The following SLIT3 variants were observed in gnomAD, a reference collection of about 807,000 sequenced individuals.
SLIT3 encodes the protein slit homolog 3 protein.
A neutral mutation model predicts 184.0 loss-of-function variants in SLIT3; 68 were observed. That is an observed-to-expected ratio of 0.37 (90% CI 0.30 to 0.45). The LOEUF (loss-of-function observed/expected upper bound fraction) is 0.45, where lower values mean the gene tolerates loss of function less well. Ranked by LOEUF, SLIT3 falls within the 20% of genes least tolerant of loss-of-function variation. The pLI is 1.00. For missense variants in SLIT3, 1,707 were observed against 2,026.0 expected (o/e 0.84, Z 3.02); for synonymous variants, 831 against 828.6 (o/e 1.00, Z -0.05).
chr5:168,663,174 C>T lies in SLIT3; in HGVS notation c.*3280G>A, dbSNP rs1219073330. On this transcript the variant is annotated 3_prime_UTR_variant, in exon 36 of 36. Coordinates refer to ENST00000519560, the MANE Select transcript of SLIT3 (RefSeq NM_003062.4). Reference sequence around the variant, plus strand: ...TGACTCCTCCCAGGAAGCCAGTGACCCTCGGTGGGGCTCTTGAGATGGCAG... The same window carrying T: ...TGACTCCTCCCAGGAAGCCAGTGACTCTCGGTGGGGCTCTTGAGATGGCAG... 1 of 152,002 alleles carries T rather than the reference C, an allele frequency of 6.6e-6. No homozygotes were observed. Among genetic ancestry groups the T allele is most frequent in the African/African-American group, 2.4e-5 (1 of 41,352 alleles). 9.4% of individuals were successfully genotyped at this position (152,002 alleles called of 1,614,324 possible).
chr5:168,956,623 A>G (rs1762836364), intron 4 of SLIT3, among the ~76,000 whole-genome samples: 1 of 151,728 alleles, frequency 6.6e-6, no homozygotes, highest in Non-Finnish European at 1.5e-5. Context: ...GTGAAACCCC[A>G]TCTCTACTAA....
intron 21 of SLIT3, among the ~76,000 whole-genome samples, chr5:168,723,433 A>G (rs1423851222): frequency 6.6e-6 from 1 of 152,054 alleles, no homozygotes; most frequent in Non-Finnish European, 1.5e-5. Flanking sequence ...TCAATCATTC[A>G]AGCAACTGTC....
intron 8 of SLIT3, among the ~76,000 whole-genome samples, chr5:168,814,241 C>CA (rs1757256608): frequency 6.6e-6 from 1 of 152,034 alleles, no homozygotes; most frequent in Non-Finnish European, 1.5e-5. Flanking sequence ...ACTAAAAATA[C>CA]AAAAAATTAG....
chr5:169,261,495 C>G (rs1422639143), intron 1 of SLIT3, among the ~76,000 whole-genome samples: 1 of 151,960 alleles, frequency 6.6e-6, no homozygotes, highest in Non-Finnish European at 1.5e-5. Context: ...CCCTCTCTCT[C>G]CTTTCCTTAA....
chr5:169,232,847 C>G (rs1416807393), intron 3 of SLIT3, among the ~76,000 whole-genome samples: 1 of 152,156 alleles, frequency 6.6e-6, no homozygotes, highest in Non-Finnish European at 1.5e-5. Flanking sequence ...TGCCCTGAAT[C>G]CATCCATCAA....
At chr5:168,978,500 A>G (rs1754841165) in intron 4 of SLIT3, among the ~76,000 whole-genome samples, 1 of 152,172 alleles carries the variant, frequency 6.6e-6, no homozygotes, top group Non-Finnish European at 1.5e-5. Flanking sequence ...AACATCTAAC[A>G]GGCAGAACCT....
At chr5:168,921,349 G>A (rs759393119) in intron 4 of SLIT3, among the ~76,000 whole-genome samples, 1 of 152,082 alleles carries the variant, frequency 6.6e-6, no homozygotes, top group Non-Finnish European at 1.5e-5. Context: ...AAATGAAGAG[G>A]GCAATTTTCT....
At chr5:169,032,686 T>A (rs190171701) in intron 4 of SLIT3, among the ~76,000 whole-genome samples, 1 of 148,626 alleles carries the variant, frequency 6.7e-6, no homozygotes, top group East Asian at 2.1e-4. Context: ...CTAATTCACA[T>A]GAAAATAGTT....
chr5:169,163,012 A>G (rs1294263893), intron 4 of SLIT3, among the ~76,000 whole-genome samples: 1 of 152,138 alleles, frequency 6.6e-6, no homozygotes, highest in East Asian at 1.9e-4. Context: ...GAGGGAGAAG[A>G]AAATGGCTCT....
chr5:168,671,645 G>A (rs1339841157), intron 33 of SLIT3, among the ~76,000 whole-genome samples, 162 bp from the exon 34 acceptor site: 1 of 152,206 alleles, frequency 6.6e-6, no homozygotes. Flanking sequence ...TCCATACAGG[G>A]ACGTGCATCC....
chr5:168,711,314 C>G (rs1467167169), intron 24 of SLIT3, among the ~76,000 whole-genome samples: 1 of 152,184 alleles, frequency 6.6e-6, no homozygotes, highest in East Asian at 1.9e-4. Flanking sequence ...GTAAGACTCA[C>G]TCTTCAACTC....
intron 20 of SLIT3, among the ~76,000 whole-genome samples, chr5:168,747,294 T>A (rs1754510855): frequency 6.6e-6 from 1 of 152,200 alleles, no homozygotes; most frequent in South Asian, 2.1e-4. Context: ...TTTTCACAGT[T>A]GTCACTTCGC....
intron 4 of SLIT3, among the ~76,000 whole-genome samples, chr5:169,007,067 C>T (rs1158810387): frequency 6.6e-6 from 1 of 152,030 alleles, no homozygotes; most frequent in East Asian, 1.9e-4. Context: ...GGCGGTTTAC[C>T]CCATGCTGTT....
chr5:169,232,387 C>T (rs1366980387), intron 3 of SLIT3, among the ~76,000 whole-genome samples: 1 of 151,918 alleles, frequency 6.6e-6, no homozygotes, highest in East Asian at 1.9e-4. Context: ...ACCACACCTG[C>T]CTAATTTTTG....
At chr5:168,794,352 A>G (rs1756490842) in intron 10 of SLIT3, among the ~76,000 whole-genome samples, 1 of 130,860 alleles carries the variant, frequency 7.6e-6, no homozygotes, top group South Asian at 2.6e-4. Flanking sequence ...GTATCTGTGC[A>G]GAACTGATGG....
At chr5:169,276,639 A>G (rs1370205461) in intron 1 of SLIT3, among the ~76,000 whole-genome samples, 1 of 152,210 alleles carries the variant, frequency 6.6e-6, no homozygotes, top group Non-Finnish European at 1.5e-5. Context: ...CTGCATGTTC[A>G]TATTTATCAT....
At chr5:168,916,771 AT>A in intron 4 of SLIT3, among the ~76,000 whole-genome samples, 1 of 152,354 alleles carries the variant, frequency 6.6e-6, no homozygotes, top group Non-Finnish European at 1.5e-5. Context: ...AATTTAAAAA[AT>A]AATGTATTTC....
intron 4 of SLIT3, among the ~76,000 whole-genome samples, chr5:169,015,633 T>C (rs796634622): frequency 4.6e-5 from 7 of 152,256 alleles, no homozygotes; most frequent in South Asian, 2.1e-4. Context: ...TATAATCTTA[T>C]GGAAAACATT....
chr5:168,728,449 G>A (rs1488823600), intron 20 of SLIT3, among the ~76,000 whole-genome samples: 1 of 152,006 alleles, frequency 6.6e-6, no homozygotes, highest in East Asian at 1.9e-4. Flanking sequence ...CAATTGTCCA[G>A]CAACAGATCC....
Sources: gnomAD v4.1 joint callset for allele counts (sites outside exome capture counted in the v4.1 genomes callset) on GRCh38, gnomAD v4.1.1 for gene constraint, MANE v1.5 for transcripts, NCBI Gene and HGNC (gene_info 2026-07-23, HGNC 2026-07-21) for gene names.